Variants in SH3BP4 observed in about 807,000 individuals in gnomAD.
SH3BP4 encodes SH3 domain-binding protein 4.
Under a neutral mutation model 65.5 loss-of-function variants are expected in SH3BP4, and 33 were observed. The observed-to-expected ratio is 0.50, with a 90% confidence interval of 0.38 to 0.67. The LOEUF is 0.67. Ranked by LOEUF, SH3BP4 falls within the 30% of genes least tolerant of loss-of-function variation. The probability of loss-of-function intolerance (pLI) is 0.00; values close to 1 mark genes in which losing one functional copy is unlikely to be tolerated. For missense variants in SH3BP4, 1,134 were observed against 1,261.4 expected (o/e 0.90, Z 1.53); for synonymous variants, 552 against 545.5 (o/e 1.01, Z -0.17).
intron 1 of SH3BP4, among the ~76,000 whole-genome samples, chr2:234,989,212 A>T (rs1479836929): frequency 1.3e-5 from 2 of 152,140 alleles, no homozygotes; most frequent in Non-Finnish European, 2.9e-5. Context: ...CGTGCCGTGC[A>T]TGAGGACTGA....
intron 2 of SH3BP4, among the ~76,000 whole-genome samples, chr2:235,002,141 T>C (rs914137642): frequency 4.6e-5 from 7 of 152,134 alleles, no homozygotes; most frequent in Non-Finnish European, 1.0e-4. Flanking sequence ...GGATTACAGG[T>C]GTGAGCCACC....
intron 1 of SH3BP4, among the ~76,000 whole-genome samples, chr2:234,987,552 C>T (rs1385552803): frequency 6.6e-6 from 1 of 152,180 alleles, no homozygotes; most frequent in Non-Finnish European, 1.5e-5. Flanking sequence ...CCTTCATTCC[C>T]CAGGCCGCCT....
intron 1 of SH3BP4, among the ~76,000 whole-genome samples, chr2:234,968,024 G>A (rs1692883465): frequency 6.6e-6 from 1 of 152,264 alleles, no homozygotes; most frequent in South Asian, 2.1e-4. Flanking sequence ...CCTTGCTCAG[G>A]TGAGGGCGAC....
At chr2:234,986,408 G>T (rs116322702) in intron 1 of SH3BP4, among the ~76,000 whole-genome samples, 1,714 of 152,312 alleles carry the variant, frequency 0.011, 33 homozygotes, top group African/African-American at 0.036. Context: ...ACAAACATTC[G>T]TAGTCTGATT....
intron 1 of SH3BP4, among the ~76,000 whole-genome samples, chr2:234,970,931 G>A (rs1284029555): frequency 1.3e-5 from 2 of 152,082 alleles, no homozygotes; most frequent in Non-Finnish European, 2.9e-5. Context: ...GCTGCAGCGT[G>A]AGTTACCGGA....
chr2:235,021,194 G>C (rs1694837269), intron 2 of SH3BP4, among the ~76,000 whole-genome samples: 1 of 152,094 alleles, frequency 6.6e-6, no homozygotes, highest in South Asian at 2.1e-4. Flanking sequence ...CCACATTTGT[G>C]GAAGAAAAGA....
chr2:234,992,694 C>T (rs1472701762), intron 1 of SH3BP4, among the ~76,000 whole-genome samples: 1 of 145,982 alleles, frequency 6.9e-6, no homozygotes, highest in African/African-American at 2.5e-5. Flanking sequence ...GAGATGGACG[C>T]ATTCCTGCTG....
intron 4 of SH3BP4, among the ~76,000 whole-genome samples, chr2:235,050,442 A>G (rs1696011704): frequency 6.6e-6 from 1 of 152,112 alleles, no homozygotes. Context: ...AGTAGCTTCT[A>G]CAAAAACAAA....
At chr2:234,981,947 G>C (rs1282814474) in intron 1 of SH3BP4, among the ~76,000 whole-genome samples, 1 of 152,070 alleles carries the variant, frequency 6.6e-6, no homozygotes, top group Non-Finnish European at 1.5e-5. Context: ...TCCCGTCCCC[G>C]CCTCCTTCCT....
chr2:234,957,611 AC>A lies in SH3BP4; in HGVS notation c.-207+5444del, dbSNP rs1281498349. On this transcript the variant is annotated intron_variant, in intron 1 of 5. Coordinates refer to ENST00000392011, the MANE Select transcript of SH3BP4 (RefSeq NM_014521.3). ...AAAACTCAGGCTGCATTTTAAAATC[AC>A]CCGGGAGCTTAAAAAAACAACAATC... Among the ~76,000 whole-genome samples the A allele has an allele frequency of 2.0e-5, 3 of 151,556 alleles. No individual in the cohort carries two copies. The East Asian group carries it at 5.9e-4, about 30-fold the overall frequency.
chr2:234,959,932 A>T (rs991927475), intron 1 of SH3BP4, among the ~76,000 whole-genome samples: 2 of 152,322 alleles, frequency 1.3e-5, no homozygotes, highest in Non-Finnish European at 2.9e-5. Flanking sequence ...GATTACAGGC[A>T]TGAGCCACCT....
At chr2:235,032,628 TGGCGGCAAGACCC>T (rs1695240861) in intron 2 of SH3BP4, among the ~76,000 whole-genome samples, 1 of 152,068 alleles carries the variant, frequency 6.6e-6, no homozygotes. Flanking sequence ...GTCTCTCACG[TGGCGGCAAGACCC>T]CTTCATCCAG....
At chr2:234,988,201 G>A (rs1001581899) in intron 1 of SH3BP4, among the ~76,000 whole-genome samples, 6 of 151,966 alleles carry the variant, frequency 3.9e-5, no homozygotes, top group East Asian at 3.9e-4. Flanking sequence ...CTGGGACTAT[G>A]GGCGCCCACC....
At position 234,974,163 on chromosome 2, in the gene SH3BP4, C is replaced by T. The variant is rs957220426; in HGVS notation, c.-206-21140C>T. Among the ~76,000 whole-genome samples, 2 of 152,104 alleles carry T rather than the reference C, an allele frequency of 1.3e-5. No homozygotes were observed. The highest frequency in any genetic ancestry group is 2.4e-5 in the African/African-American group (1 of 41,520). ...GGTGGATCACCTGAGGTCAGGAGTT[C>T]GAGACCAGCCTGGCCAACGTGGTGA... On this transcript the variant is annotated intron_variant, in intron 1 of 5. Coordinates refer to ENST00000392011, the MANE Select transcript of SH3BP4 (RefSeq NM_014521.3). This position sits in a 1 kb window ranked among gnomAD's most constrained non-coding sequence, Gnocchi z 4.6.
In SH3BP4 at chr2:235,002,158, G is replaced by T. The variant is rs540095797; in HGVS notation, c.-133+6782G>T. ...ATTACAGGTGTGAGCCACCATGCTG[G>T]GCTGGAGGGTACATTTTTAAACGAT... On this transcript the variant is annotated intron_variant, in intron 2 of 5. Coordinates refer to ENST00000392011, the MANE Select transcript of SH3BP4 (RefSeq NM_014521.3). Among the ~76,000 whole-genome samples the T allele has an allele frequency of 2.8e-4, 43 of 152,294 alleles. No homozygotes were observed. The East Asian group carries it at 8.1e-3, about 29-fold the overall frequency.
At chr2:234,969,244 T>G (rs1322458911) in intron 1 of SH3BP4, among the ~76,000 whole-genome samples, 1 of 152,164 alleles carries the variant, frequency 6.6e-6, no homozygotes, top group Non-Finnish European at 1.5e-5. Flanking sequence ...TTTGCAGAAT[T>G]TTGTGGGTGG....
intron 2 of SH3BP4, among the ~76,000 whole-genome samples, chr2:235,017,320 A>G (rs1285873735): frequency 6.6e-6 from 1 of 151,474 alleles, no homozygotes; most frequent in Non-Finnish European, 1.5e-5. Context: ...GGTGGTGGGC[A>G]CCTGTAATCC....
intron 2 of SH3BP4, among the ~76,000 whole-genome samples, chr2:235,017,934 C>T (rs185175867): frequency 2.0e-5 from 3 of 152,294 alleles, no homozygotes; most frequent in East Asian, 1.9e-4. Context: ...GCAGAAAGCA[C>T]TGTAGGTACC....
chr2:234,998,363 T>G (rs892973767), intron 2 of SH3BP4, among the ~76,000 whole-genome samples: 16 of 152,190 alleles, frequency 1.1e-4, no homozygotes, highest in African/African-American at 3.6e-4. Context: ...GATTGTAAAT[T>G]CACACGACAG....
Sources: allele counts gnomAD v4.1 joint callset (sites outside exome capture counted in the v4.1 genomes callset), GRCh38; gene constraint gnomAD v4.1.1; non-coding constraint Gnocchi (gnomAD v3.1); transcripts MANE v1.5; gene names NCBI Gene and HGNC (gene_info 2026-07-23, HGNC 2026-07-21).